The following ITFG1 variants were observed in gnomAD, a reference collection of about 807,000 sequenced individuals.
The protein encoded by ITFG1 is T-cell immunomodulatory protein.
Under a neutral mutation model 81.8 loss-of-function variants are expected in ITFG1, and 34 were observed. The observed-to-expected ratio is 0.42, with a 90% CI of 0.32 to 0.55. The LOEUF (loss-of-function observed/expected upper bound fraction) is 0.55, where lower values mean the gene tolerates loss of function less well. ITFG1 is among the 20% of genes least tolerant of loss of function. ITFG1 has a pLI of 0.17. For missense variants in ITFG1, 672 were observed against 755.4 expected (o/e 0.89, Z 1.29); for synonymous variants, 285 against 270.6 (o/e 1.05, Z -0.52).
intron 6 of ITFG1, among the ~76,000 whole-genome samples, chr16:47,405,660 T>C (rs1968718989): frequency 6.6e-6 from 1 of 152,212 alleles, no homozygotes. Flanking sequence ...TAACAGAACT[T>C]ACTCTGTAAG....
At position 47,330,965 on chromosome 16, in the gene ITFG1, T is replaced by C. The variant is rs565464278; in HGVS notation, c.803-17142A>G. 4.8e-4 allele frequency among the ~76,000 whole-genome samples: 73 copies of C among 152,282 alleles called. 1 individual carries two copies. Among genetic ancestry groups the C allele is most frequent in the Middle Eastern group, 3.4e-3 (1 of 294 alleles). ...ACTACCATTCTACCCAGTAATCCCATTAATGTGTATACACTCAAAGGAAAA... is the reference window on the plus strand; with the variant it reads ...ACTACCATTCTACCCAGTAATCCCACTAATGTGTATACACTCAAAGGAAAA... On this transcript the variant is annotated intron_variant, in intron 8 of 17. Coordinates refer to ENST00000320640, the MANE Select transcript of ITFG1 (RefSeq NM_030790.5).
At chr16:47,274,794 G>GA in intron 10 of ITFG1, among the ~76,000 whole-genome samples, 1 of 152,246 alleles carries the variant, frequency 6.6e-6, no homozygotes, top group Non-Finnish European at 1.5e-5. Flanking sequence ...GTAGAGAGAT[G>GA]AACTACAGTG....
chr16:47,409,640 ATC>A (rs1317083660), intron 6 of ITFG1, among the ~76,000 whole-genome samples: 3 of 149,818 alleles, frequency 2.0e-5, no homozygotes, highest in Non-Finnish European at 4.4e-5. Flanking sequence ...AATGGTCTCG[ATC>A]TCCTGACCTT....
rs372789156 is a variant in ITFG1 at position 47,260,702 on chromosome 16, G to A, written c.1071-7C>T. Reference sequence around the variant, plus strand: ...TAAAAAGGCCTGCTGGTTGCTGTGCGCCAAAGGAAAGGCATTTCGTTAATA... The same window carrying A: ...TAAAAAGGCCTGCTGGTTGCTGTGCACCAAAGGAAAGGCATTTCGTTAATA... On this transcript the variant is annotated splice_region_variant and splice_polypyrimidine_tract_variant and intron_variant, in intron 10 of 17. Transcript: ENST00000320640. 2.4e-5 allele frequency: 39 copies of A among 1,613,876 alleles called. No individual in the cohort carries two copies. The highest frequency in any genetic ancestry group is 2.3e-4 in the African/African-American group (17 of 74,902).
intron 5 of ITFG1, chr16:47,448,450 T>C (rs1969348328): frequency 6.6e-6 from 1 of 152,196 alleles, no homozygotes; most frequent in Non-Finnish European, 1.5e-5. Flanking sequence ...CTTTCAGTGC[T>C]ACTTATACCA....
intron 12 of ITFG1, among the ~76,000 whole-genome samples, chr16:47,255,388 T>C (rs972943572): frequency 2.0e-5 from 3 of 152,176 alleles, no homozygotes; most frequent in African/African-American, 7.2e-5. Context: ...ACACAGAATC[T>C]GCAAAAGATG....
intron 16 of ITFG1, among the ~76,000 whole-genome samples, chr16:47,161,130 A>G (rs921615690): frequency 5.3e-5 from 8 of 152,358 alleles, no homozygotes; most frequent in African/African-American, 1.9e-4. Flanking sequence ...TTTAAATAAA[A>G]ATGAATAAAA....
intron 6 of ITFG1, among the ~76,000 whole-genome samples, chr16:47,408,560 C>G (rs1336042798): frequency 6.6e-6 from 1 of 151,996 alleles, no homozygotes; most frequent in East Asian, 1.9e-4. Flanking sequence ...AATATCTCAT[C>G]AATAGACCAG....
intron 6 of ITFG1, among the ~76,000 whole-genome samples, chr16:47,380,633 A>C (rs1968384675): frequency 6.6e-6 from 1 of 152,102 alleles, no homozygotes; most frequent in Admixed American, 6.6e-5. Flanking sequence ...TGGTATAGGG[A>C]GAGTGGGGTG....
chr16:47,397,055 C>T lies in ITFG1; in HGVS notation c.656-21115G>A, dbSNP rs147216181. Among the ~76,000 whole-genome samples the T allele has an allele frequency of 5.7e-3, 872 of 152,202 alleles. 9 individuals are homozygous for T. The highest frequency in any genetic ancestry group is 0.02 in the African/African-American group (831 of 41,522). ...AAAAGGAAGATGACGTTTGGTGTAA[C>T]GGGGTGGCAGAAACCTCATAGGAGG... On this transcript the variant is annotated intron_variant, in intron 6 of 17. Coordinates refer to ENST00000320640, the MANE Select transcript of ITFG1 (RefSeq NM_030790.5).
At chr16:47,359,256 CTG>C (rs759086380) in intron 8 of ITFG1, among the ~76,000 whole-genome samples, 7 of 149,978 alleles carry the variant, frequency 4.7e-5, no homozygotes, top group Non-Finnish European at 5.9e-5. Flanking sequence ...ATATCCAACT[CTG>C]TGTCTCTCCA....
intron 6 of ITFG1, among the ~76,000 whole-genome samples, chr16:47,421,868 C>G (rs1754902311): frequency 6.6e-6 from 1 of 152,102 alleles, no homozygotes; most frequent in South Asian, 2.1e-4. Flanking sequence ...GTGATGTTCC[C>G]CGCCCCCTGT....
chr16:47,411,226 C>A (rs1041909445), intron 6 of ITFG1, among the ~76,000 whole-genome samples: 1 of 152,170 alleles, frequency 6.6e-6, no homozygotes, highest in Non-Finnish European at 1.5e-5. Context: ...TGTGGACTGG[C>A]ATGGGAACTG....
intron 6 of ITFG1, among the ~76,000 whole-genome samples, chr16:47,376,893 C>T (rs1374909042): frequency 7.3e-6 from 1 of 137,144 alleles, no homozygotes; most frequent in African/African-American, 2.9e-5. Context: ...CACTTGAACC[C>T]AGGAGGCGGA....
rs150037122 is a variant in ITFG1 at position 47,446,451 on chromosome 16, T to A, written c.560+4945A>T. 2.2e-4 allele frequency among the ~76,000 whole-genome samples: 34 copies of A among 152,336 alleles called. No homozygotes were observed. The East Asian group carries it at 6.6e-3, about 29-fold the overall frequency. On this transcript the variant is annotated intron_variant, in intron 5 of 17. Coordinates refer to ENST00000320640, the MANE Select transcript of ITFG1 (RefSeq NM_030790.5). Reference sequence around the variant, plus strand: ...GAAGATTTCTTTCAGTCATGTTTTATTATACTTTGTCCCAATGTTTCTACC... The same window carrying A: ...GAAGATTTCTTTCAGTCATGTTTTAATATACTTTGTCCCAATGTTTCTACC...
intron 5 of ITFG1, among the ~76,000 whole-genome samples, chr16:47,443,430 T>C (rs1408367039): frequency 4.6e-5 from 7 of 152,162 alleles, no homozygotes; most frequent in Admixed American, 4.6e-4. Flanking sequence ...ATCATGCTGC[T>C]ATAAAGATAC....
chr16:47,196,639 A>G (rs1356168148), intron 14 of ITFG1: 2 of 152,124 alleles, frequency 1.3e-5, no homozygotes, highest in East Asian at 3.8e-4. Flanking sequence ...GAGTTTAGGC[A>G]CAACTGATCA....
At chr16:47,219,907 T>A (rs1201851798) in intron 13 of ITFG1, among the ~76,000 whole-genome samples, 2 of 152,218 alleles carry the variant, frequency 1.3e-5, no homozygotes, top group Admixed American at 6.5e-5. Context: ...AAATGATTCA[T>A]GAAGAAATCA....
intron 14 of ITFG1, among the ~76,000 whole-genome samples, chr16:47,212,349 G>A (rs1965573216): frequency 6.6e-6 from 1 of 152,068 alleles, no homozygotes; most frequent in African/African-American, 2.4e-5. Flanking sequence ...GAATTGCTGG[G>A]ACTATGGGCA....
Sources: gnomAD v4.1 joint callset for allele counts (sites outside exome capture counted in the v4.1 genomes callset) on GRCh38, gnomAD v4.1.1 for gene constraint, MANE v1.5 for transcripts, NCBI Gene and HGNC (gene_info 2026-07-23, HGNC 2026-07-21) for gene names.